TENM2: variants seen among roughly 807,000 people sequenced by gnomAD.
TENM2 encodes teneurin-2.
In TENM2, 52 loss-of-function variants were observed where a neutral mutation model predicts 245.2. The ratio of observed to expected loss-of-function variants is 0.21; its 90% CI spans 0.17 to 0.27. The LOEUF (loss-of-function observed/expected upper bound fraction) is 0.27, where lower values mean the gene tolerates loss of function less well. Among genes scored for constraint, TENM2 ranks in the 10% least tolerant of loss-of-function variants. The probability of loss-of-function intolerance (pLI) is 1.00; values close to 1 mark genes in which losing one functional copy is unlikely to be tolerated. For missense variants in TENM2, 3,046 were observed against 3,666.8 expected (o/e 0.83, Z 4.37); for synonymous variants, 1,363 against 1,438.9 (o/e 0.95, Z 1.19).
chr5:167,208,817 A>C, the TENM2 span, among the ~76,000 whole-genome samples: 1 of 152,234 alleles, frequency 6.6e-6, no homozygotes, highest in African/African-American at 2.4e-5. Flanking sequence ...CTAAAATGAC[A>C]TCAGACCATG....
chr5:167,907,195 G>A (rs971527568), intron 3 of TENM2, among the ~76,000 whole-genome samples: 5 of 151,896 alleles, frequency 3.3e-5, no homozygotes, highest in Non-Finnish European at 5.9e-5. Flanking sequence ...TCGCACCGTT[G>A]CACTCCAGCC....
intron 2 of TENM2, among the ~76,000 whole-genome samples, chr5:167,704,944 T>C (rs1247402696): frequency 6.6e-6 from 1 of 152,164 alleles, no homozygotes; most frequent in Non-Finnish European, 1.5e-5. Flanking sequence ...TGGAGTGTAT[T>C]GATTCTTTAT....
At chr5:168,115,434 A>C (rs1795010428) in intron 9 of TENM2, among the ~76,000 whole-genome samples, 1 of 143,762 alleles carries the variant, frequency 7.0e-6, no homozygotes, top group African/African-American at 2.9e-5. Context: ...GAAAGAAAAA[A>C]AAAGAAAAAA....
the TENM2 span, among the ~76,000 whole-genome samples, chr5:167,141,271 G>A: frequency 6.6e-6 from 1 of 152,194 alleles, no homozygotes; most frequent in Non-Finnish European, 1.5e-5. Flanking sequence ...AAGCTCTCTT[G>A]TAGCAGATGT....
chr5:167,954,108 A>G (rs1047597239), intron 4 of TENM2, among the ~76,000 whole-genome samples: 3 of 150,334 alleles, frequency 2.0e-5, no homozygotes, highest in African/African-American at 2.5e-5. Context: ...GCACTAAGCC[A>G]AATACAAAGG....
At chr5:168,217,626 G>C (rs1339719710) in intron 22 of TENM2, among the ~76,000 whole-genome samples, 2 of 152,224 alleles carry the variant, frequency 1.3e-5, no homozygotes, top group Admixed American at 6.5e-5. Context: ...CACTCAAGTT[G>C]TAGTTTGCTG....
At chr5:167,558,925 CA>C (rs1488197235) in intron 2 of TENM2, among the ~76,000 whole-genome samples, 7 of 151,634 alleles carry the variant, frequency 4.6e-5, no homozygotes, top group Admixed American at 6.6e-5. Flanking sequence ...GTACAGTCAG[CA>C]GTAAAAATCA....
At chr5:167,214,847 TC>T in the TENM2 span, among the ~76,000 whole-genome samples, 1 of 152,218 alleles carries the variant, frequency 6.6e-6, no homozygotes. Flanking sequence ...CACAGGGCTT[TC>T]CGCATATTGC....
chr5:167,175,508 C>T, the TENM2 span, among the ~76,000 whole-genome samples: 1 of 152,244 alleles, frequency 6.6e-6, no homozygotes, highest in Non-Finnish European at 1.5e-5. Context: ...AAATGTGAAT[C>T]TTTAAAATGT....
chr5:167,296,547 A>G (rs940789508), intron 1 of TENM2: 2 of 143,542 alleles, frequency 1.4e-5, no homozygotes, highest in African/African-American at 5.7e-5. Context: ...TAATGTCCTC[A>G]AAAAGAAAAA....
chr5:167,638,124 TGTGTGTGTGTGTG>T lies in TENM2; in HGVS notation c.503-237861_503-237849del, dbSNP rs1779333641. Among the ~76,000 whole-genome samples, 12 of 150,336 alleles carry T rather than the reference TGTGTGTGTGTGTG, an allele frequency of 8.0e-5. No homozygotes were observed. In the East Asian group the frequency reaches 1.7e-3, roughly 21 times the overall value. On this transcript the variant is annotated intron_variant, in intron 2 of 28. Coordinates refer to ENST00000518659, the Ensembl canonical transcript of TENM2. ...GTGTGTGTGTGTGTGTGTGTGTGTGTGTGTGTGTGTGTGTGTGTGTCAGGGGGCATGCATACAC... is the reference window on the plus strand; with the variant it reads ...GTGTGTGTGTGTGTGTGTGTGTGTGTTGTGTGTCAGGGGGCATGCATACAC...
intron 2 of TENM2, among the ~76,000 whole-genome samples, chr5:167,806,760 T>C (rs556934365): frequency 7.2e-5 from 11 of 152,190 alleles, no homozygotes; most frequent in Admixed American, 7.2e-4. Context: ...AGTTATGGTT[T>C]CTTAGGGTGA....
At chr5:167,547,203 A>G (rs1772616921) in intron 2 of TENM2, among the ~76,000 whole-genome samples, 1 of 152,116 alleles carries the variant, frequency 6.6e-6, no homozygotes, top group Admixed American at 6.6e-5. Context: ...CTGTTGCCTC[A>G]GCCTCGCGAG....
rs868147299 is a variant in TENM2, at chr5:168,104,311, G to C, written c.1813+6184G>C. 2.0e-5 allele frequency among the ~76,000 whole-genome samples: 3 copies of C among 152,138 alleles called. No individual in the cohort carries two copies. The South Asian group carries it at 6.2e-4, about 31-fold the overall frequency. ...CCCAAAGTGCTGGGATTACAGGTGT[G>C]AGCCACCAAGCCAGGCCTGTCCTTC... On this transcript the variant is annotated intron_variant, in intron 9 of 28. Transcript: ENST00000518659.
intron 13 of TENM2, among the ~76,000 whole-genome samples, chr5:168,168,145 T>G (rs1758472065): frequency 6.6e-6 from 1 of 152,190 alleles, no homozygotes; most frequent in Non-Finnish European, 1.5e-5. Context: ...GATTTATTAG[T>G]CAGACATAGA....
chr5:167,367,160 T>C (rs1051885429), intron 1 of TENM2, among the ~76,000 whole-genome samples: 1 of 152,180 alleles, frequency 6.6e-6, no homozygotes, highest in African/African-American at 2.4e-5. Flanking sequence ...TACTGGAAAC[T>C]CTTCTGTCTT....
the TENM2 span, among the ~76,000 whole-genome samples, chr5:167,079,662 G>T: frequency 6.6e-6 from 1 of 151,842 alleles, no homozygotes; most frequent in African/African-American, 2.4e-5. Context: ...ATAATATTAA[G>T]ACAGCTCACA....
chr5:167,952,336 C>T, intron 3 of TENM2: 1 of 580,588 alleles, frequency 1.7e-6, no homozygotes, highest in Non-Finnish European at 3.1e-6. Flanking sequence ...CAGCCCTTAT[C>T]CACCTGGTTT....
the TENM2 span, among the ~76,000 whole-genome samples, chr5:167,198,173 G>T: frequency 2.6e-5 from 4 of 152,048 alleles, no homozygotes; most frequent in Admixed American, 2.6e-4. Flanking sequence ...CTTCAGTCCT[G>T]CAAAGGGGCC....
Sources: gnomAD v4.1 joint callset for allele counts (sites outside exome capture counted in the v4.1 genomes callset) on GRCh38, gnomAD v4.1.1 for gene constraint, MANE v1.5 for transcripts, NCBI Gene and HGNC (gene_info 2026-07-23, HGNC 2026-07-21) for gene names.